Variants in CASD1 observed in about 807,000 individuals in gnomAD.
CASD1 encodes the protein CAS1 domain sialic acid O acetyltransferase 1, also known as N-acetylneuraminate (7)9-O-acetyltransferase.
CASD1 carries 41 observed loss-of-function variants against 100.0 expected under a neutral mutation model. The observed-to-expected ratio is 0.41, with a 90% CI of 0.32 to 0.53. The LOEUF is 0.53. CASD1 is among the 20% of genes least tolerant of loss of function. CASD1 has a pLI of 0.25. For missense variants in CASD1, 774 were observed against 948.7 expected (o/e 0.82, Z 2.42); for synonymous variants, 321 against 315.6 (o/e 1.02, Z -0.18).
chr7:94,509,980 T>C lies in CASD1; in HGVS notation c.-105T>C. The C allele has an allele frequency of 8.1e-7, 1 of 1,240,098 alleles. No homozygotes were observed. Among genetic ancestry groups the C allele is most frequent in the Non-Finnish European group, 1.0e-6 (1 of 982,686 alleles). 76.8% of individuals were successfully genotyped at this position (1,240,098 alleles called of 1,614,324 possible). A position where few individuals can be genotyped will look rare whatever the true frequency, so the allele number is the denominator to read the frequency against. On this transcript the variant is annotated 5_prime_UTR_variant, in exon 1 of 18. Coordinates refer to ENST00000297273, the MANE Select transcript of CASD1 (RefSeq NM_022900.5). ...AGGCGCAGGTGGCGGCCTGGGGAGC[T>C]GGCGGCCGCTCCTCGCCTGGCTGCA...
At chr7:94,570,238 T>C in the CASD1 span, among the ~76,000 whole-genome samples, 1 of 152,194 alleles carries the variant, frequency 6.6e-6, no homozygotes, top group South Asian at 2.1e-4. Context: ...CACTACTGCC[T>C]CTTTTCATGT....
the CASD1 span, among the ~76,000 whole-genome samples, chr7:94,580,031 T>C: frequency 6.6e-6 from 1 of 152,180 alleles, no homozygotes; most frequent in African/African-American, 2.4e-5. Flanking sequence ...AACTGCTGCC[T>C]TTTTACCTCC....
the CASD1 span, among the ~76,000 whole-genome samples, chr7:94,580,506 T>C: frequency 1.5e-3 from 236 of 152,370 alleles, 7 homozygotes; most frequent in Admixed American, 0.012. Context: ...TTGAAGATTT[T>C]CTAATTACTC....
At chr7:94,633,819 C>G in the CASD1 span, among the ~76,000 whole-genome samples, 1 of 152,078 alleles carries the variant, frequency 6.6e-6, no homozygotes, top group Non-Finnish European at 1.5e-5. Flanking sequence ...GCCAATGAAT[C>G]CACAGCATAT....
chr7:94,510,084 G>A lies in CASD1; in HGVS notation c.-1G>A, dbSNP rs2116138210. On this transcript the variant is annotated 5_prime_UTR_variant, in exon 1 of 18. Transcript: ENST00000297273. The stretch of plus-strand genomic sequence containing the variant: ...CGCACTGTTGTCATGGAGGAACCAA[G>A]ATGGCGGCTCTGGCCTACAACCTGG... 1 of 1,518,944 alleles carries A rather than the reference G, an allele frequency of 6.6e-7. No homozygotes were observed. Among genetic ancestry groups the A allele is most frequent in the Non-Finnish European group, 8.8e-7 (1 of 1,131,170 alleles). The allele number at this position is 1,518,944 out of a possible 1,614,324, so 94.1% of individuals were successfully genotyped here.
Position 94,537,467 on chromosome 7 carries a change from C to T in CASD1, c.844-5C>T. On this transcript the variant is annotated splice_region_variant and splice_polypyrimidine_tract_variant and intron_variant, in intron 8 of 17. Coordinates refer to ENST00000297273, the MANE Select transcript of CASD1 (RefSeq NM_022900.5). The stretch of plus-strand genomic sequence containing the variant: ...TAATAACCAAATAACTTGATTTGTT[C>T]ACAGACTGCAATGATTCTTATGAAT... 5 of 1,592,306 alleles carry T rather than the reference C, an allele frequency of 3.1e-6. No homozygotes were observed. Among genetic ancestry groups the T allele is most frequent in the Non-Finnish European group, 3.4e-6 (4 of 1,170,842 alleles).
At chr7:94,587,065 G>A in the CASD1 span, 2 of 984,856 alleles carry the variant, frequency 2.0e-6, no homozygotes, top group Non-Finnish European at 2.4e-6. Context: ...CTTGACTCAA[G>A]CAAAATACCT....
the CASD1 span, among the ~76,000 whole-genome samples, chr7:94,586,000 C>T: frequency 1.5e-5 from 2 of 134,120 alleles, no homozygotes; most frequent in Non-Finnish European, 3.0e-5. Context: ...AACACAACAC[C>T]AGCAGCTAGT....
the CASD1 span, among the ~76,000 whole-genome samples, chr7:94,573,367 A>G: frequency 1.3e-5 from 2 of 152,068 alleles, no homozygotes; most frequent in African/African-American, 2.4e-5. Flanking sequence ...GAGCATGGGA[A>G]GTTTTTCCAT....
At chr7:94,586,086 AAC>A in the CASD1 span, among the ~76,000 whole-genome samples, 102 of 149,550 alleles carry the variant, frequency 6.8e-4, no homozygotes, top group Middle Eastern at 3.4e-3. Flanking sequence ...AAAAAAAAAA[AAC>A]AACAACTTCA....
the CASD1 span, among the ~76,000 whole-genome samples, chr7:94,590,347 A>G: frequency 6.6e-6 from 1 of 152,286 alleles, no homozygotes; most frequent in Non-Finnish European, 1.5e-5. Context: ...TTAGGTTACC[A>G]TTTAGCATGC....
the CASD1 span, chr7:94,600,703 A>G: frequency 6.2e-7 from 1 of 1,613,896 alleles, no homozygotes; most frequent in South Asian, 1.1e-5. Context: ...GACCAGTGCC[A>G]CTGCCGAGGG....
the CASD1 span, chr7:94,600,521 G>A: frequency 1.4e-6 from 1 of 708,806 alleles, no homozygotes; most frequent in Non-Finnish European, 2.5e-6. Flanking sequence ...ATTGCAGTTT[G>A]GACACAATTT....
At chr7:94,603,440 C>G in the CASD1 span, 1 of 1,613,132 alleles carries the variant, frequency 6.2e-7, no homozygotes, top group Non-Finnish European at 8.5e-7. Context: ...CTGCACCAAC[C>G]ATGACATAAA....
downstream of CASD1, among the ~76,000 whole-genome samples, chr7:94,560,015 G>T (rs1484933834): frequency 6.6e-6 from 1 of 152,102 alleles, no homozygotes; most frequent in Non-Finnish European, 1.5e-5. Context: ...TTGTTGGTTT[G>T]TTTTGTTGTT....
chr7:94,604,435 A>G, the CASD1 span, among the ~76,000 whole-genome samples: 1 of 146,314 alleles, frequency 6.8e-6, no homozygotes, highest in Non-Finnish European at 1.5e-5. Context: ...CACACACACA[A>G]ATTTGGATAA....
At chr7:94,549,491 A>G (rs555710935) in intron 13 of CASD1, 42 bp from the exon 14 acceptor site, 3 of 1,390,806 alleles carry the variant, frequency 2.2e-6, no homozygotes, top group South Asian at 2.4e-5. Context: ...GCAAATATTG[A>G]CTTGTACCAT....
chr7:94,564,106 C>T, the CASD1 span, among the ~76,000 whole-genome samples: 1 of 152,118 alleles, frequency 6.6e-6, no homozygotes, highest in Non-Finnish European at 1.5e-5. Context: ...AGCGAAGAAG[C>T]AAATGAGTAT....
chr7:94,588,749 T>C, the CASD1 span: 12 of 1,613,278 alleles, frequency 7.4e-6, no homozygotes, highest in South Asian at 1.1e-4. Context: ...ATGATGAACA[T>C]TTTTGAGTAA....
Sources: allele counts gnomAD v4.1 joint callset (sites outside exome capture counted in the v4.1 genomes callset), GRCh38; gene constraint gnomAD v4.1.1; transcripts MANE v1.5; gene names NCBI Gene and HGNC (gene_info 2026-07-23, HGNC 2026-07-21).